Variants in RBM44 observed in about 807,000 individuals in gnomAD.
The protein encoded by RBM44 is RNA binding motif protein 44, also known as RNA-binding protein 44.
Under a neutral mutation model 105.1 loss-of-function variants are expected in RBM44, and 66 were observed. The observed-to-expected ratio is 0.63, with a 90% CI of 0.52 to 0.77. The LOEUF is 0.77. Among genes scored for constraint, RBM44 ranks in the 30% least tolerant of loss-of-function variants. The pLI, the probability that RBM44 is intolerant of heterozygous loss-of-function variation, is 0.00. For missense variants in RBM44, 1,122 were observed against 1,207.8 expected, an observed-to-expected ratio of 0.93 and a Z score of 1.05; for synonymous variants, 365 against 417.6, an observed-to-expected ratio of 0.87 and a Z score of 1.54.
Position 237,821,371 on chromosome 2 carries a change from G to A in RBM44, c.2120+3G>A, listed in dbSNP as rs2061787624. On this transcript the variant is annotated splice_donor_region_variant and intron_variant, in intron 7 of 15. Coordinates refer to ENST00000316997, the MANE Select transcript of RBM44 (RefSeq NM_001080504.3). ...CTAATGAAAAAAGAAACACATGTGT[G>A]AGTTATGGTTTCATTTGATTTATAA... is the stretch of plus-strand genomic sequence containing the variant. 6.4e-7 allele frequency: 1 copy of A among 1,552,052 alleles called. No homozygotes were observed. Among genetic ancestry groups the A allele is most frequent in the South Asian group, 1.2e-5 (1 of 83,474 alleles).
At chr2:237,834,461 T>A in intron 15 of RBM44, 38 bp downstream of exon 15, 1 of 1,010,722 alleles carries the variant, frequency 9.9e-7, no homozygotes, top group South Asian at 2.0e-5. Flanking sequence ...GAATATTACT[T>A]AAAATTTATA....
chr2:237,824,226 A>G, intron 9 of RBM44, 65 bp from the exon 10 acceptor site: 4 of 1,540,442 alleles, frequency 2.6e-6, no homozygotes, highest in South Asian at 2.4e-5. Flanking sequence ...CCATGGTTTT[A>G]AGGTAACTTT....
At chr2:237,821,882 A>C in intron 8 of RBM44, 55 bp downstream of exon 8, 1 of 1,180,896 alleles carries the variant, frequency 8.5e-7, no homozygotes, top group Non-Finnish European at 1.2e-6. Context: ...GGTTTACGTA[A>C]AGTAAATCAT....
rs369750336 is a variant in RBM44 at position 237,821,522 on chromosome 2, A to G, written c.2120+154A>G. Among the ~76,000 whole-genome samples the G allele has an allele frequency of 3.5e-4, 53 of 152,240 alleles. 1 individual carries two copies. The highest frequency in any genetic ancestry group is 1.2e-3 in the African/African-American group (50 of 41,570). On this transcript the variant is annotated intron_variant, in intron 7 of 15. Coordinates refer to ENST00000316997, the MANE Select transcript of RBM44 (RefSeq NM_001080504.3). Reference sequence around the variant, plus strand: ...TTTCTTGACATTTAATATTGTACAAATGTATGGGGTACATGTAATATTTTT... The same window carrying G: ...TTTCTTGACATTTAATATTGTACAAGTGTATGGGGTACATGTAATATTTTT...
chr2:237,829,772 C>G (rs1196204411), intron 13 of RBM44, among the ~76,000 whole-genome samples: 2 of 152,146 alleles, frequency 1.3e-5, no homozygotes, highest in South Asian at 2.1e-4. Context: ...TATTACTACT[C>G]TATAAGTAAC....
At chr2:237,821,021 G>T in intron 5 of RBM44, 50 bp from the exon 6 acceptor site, 1 of 1,336,286 alleles carries the variant, frequency 7.5e-7, no homozygotes. Flanking sequence ...GTGTTAAATG[G>T]ATGACTTAGG....
Position 237,829,284 on chromosome 2 carries a change from G to A in RBM44, c.2668G>A (p.Glu890Lys). 6.2e-7 allele frequency: 1 copy of A among 1,613,214 alleles called. No homozygotes were observed. Among genetic ancestry groups the A allele is most frequent in the Non-Finnish European group, 8.5e-7 (1 of 1,179,400 alleles). Residue 890 changes from glutamate to lysine, a missense_variant, in exon 13 of 16, where the codon GAA becomes AAA. Transcript: ENST00000316997. ...KIAVKEMNGI[E>K]INGKSVNVWP... ...AGCTGTGAAAGAAATGAATGGGATA[G>A]AAATAAATGGAAAGTCAGTAAATGT... is the stretch of plus-strand genomic sequence containing the variant.
rs1456453679 is a variant in RBM44, at chr2:237,818,588, C to A, written c.1669C>A (p.Leu557Ile). ...CAGTTTAAAACCTAATGGAAATTTT[C>A]TAAATAAGGTAAAATCAATATGAGT... ...VDSLKPNGNF[L>I]NKDFLELRKA... Residue 557 changes from leucine to isoleucine, a missense_variant, in exon 3 of 16, where the codon CTA (leucine) becomes ATA (isoleucine). By Grantham distance (5) the Leu-to-Ile change is conservative (BLOSUM62 2). Coordinates refer to ENST00000316997, the MANE Select transcript of RBM44 (RefSeq NM_001080504.3). The surrounding 1 kb of genome is among the most constrained non-coding windows in gnomAD (Gnocchi z 4.6). 8.5e-6 allele frequency: 13 copies of A among 1,522,548 alleles called. No homozygotes were observed. Among genetic ancestry groups the A allele is most frequent in the Non-Finnish European group, 1.1e-5 (13 of 1,137,002 alleles). 94.3% of individuals were successfully genotyped at this position (1,522,548 alleles called of 1,614,324 possible). A position where few individuals can be genotyped will look rare whatever the true frequency, so the allele number is the denominator to read the frequency against.
rs13393001 is a variant in RBM44 at position 237,817,073 on chromosome 2, G to C, written c.154G>C (p.Asp52His). The C allele has an allele frequency of 5.1e-3, 8,102 of 1,599,916 alleles. 350 individuals are homozygous for C. The African/African-American group carries it at 0.094, about 19-fold the overall frequency. ...CDEVKLTFPD[D>H]DWNSSTLEQR... ...TGAAGTCAAATTGACTTTTCCTGAT[G>C]ATGACTGGAATTCTTCGACACTAGA... Residue 52 changes from aspartate to histidine, a missense_variant, in exon 3 of 16, where the codon GAT becomes CAT. Physicochemically the swap from Asp to His is moderately conservative, Grantham distance 81 (BLOSUM62 -1). Transcript: ENST00000316997.
chr2:237,821,389 A>G, intron 7 of RBM44, 21 bp downstream of exon 7: 1 of 1,528,854 alleles, frequency 6.5e-7, no homozygotes. Flanking sequence ...GTTTCATTTG[A>G]TTTATAATTC....
chr2:237,815,809 A>G (rs976839267), intron 2 of RBM44, among the ~76,000 whole-genome samples: 8 of 151,874 alleles, frequency 5.3e-5, no homozygotes, highest in Non-Finnish European at 1.2e-4. Flanking sequence ...CAGTTGTGGA[A>G]CTTTCATACC....
Position 237,841,217 on chromosome 2 carries a change from C to A in RBM44, c.*23-622C>A, listed in dbSNP as rs879647958. ...GGATAAAGATAAGTGTATATATACA[C>A]CATGGAGTACTATGCAGCCATAAAA... On this transcript the variant is annotated intron_variant, in intron 15 of 15. Coordinates refer to ENST00000316997, the MANE Select transcript of RBM44 (RefSeq NM_001080504.3). The surrounding 1 kb of genome is among the most constrained non-coding windows in gnomAD (Gnocchi z 4.5). Among the ~76,000 whole-genome samples the A allele has an allele frequency of 6.6e-6, 1 of 152,194 alleles. No individual in the cohort carries two copies. Among genetic ancestry groups the A allele is most frequent in the Non-Finnish European group, 1.5e-5 (1 of 68,040 alleles).
chr2:237,807,242 A>G (rs1157706158), intron 1 of RBM44, among the ~76,000 whole-genome samples: 1 of 152,122 alleles, frequency 6.6e-6, no homozygotes, highest in Non-Finnish European at 1.5e-5. Flanking sequence ...TCTACCTCCC[A>G]GGTTCAAGTG....
intron 1 of RBM44, among the ~76,000 whole-genome samples, chr2:237,801,095 A>G (rs777223782): frequency 3.3e-5 from 5 of 152,166 alleles, no homozygotes; most frequent in African/African-American, 7.2e-5. Context: ...CAACACTTTG[A>G]AAGGCTGAGG....
intron 12 of RBM44, among the ~76,000 whole-genome samples, chr2:237,828,281 AAG>A (rs1198247953): frequency 1.3e-5 from 2 of 152,092 alleles, no homozygotes; most frequent in Non-Finnish European, 2.9e-5. Flanking sequence ...TCAATTAAGA[AAG>A]GATCCTGTTT....
intron 15 of RBM44, 81 bp downstream of exon 15, chr2:237,834,504 A>C: frequency 1.5e-6 from 1 of 657,012 alleles, no homozygotes. Flanking sequence ...TTACATAAAA[A>C]ACATATTAAA....
At chr2:237,819,774 A>G (rs1409065580) in intron 4 of RBM44, among the ~76,000 whole-genome samples, 2 of 152,046 alleles carry the variant, frequency 1.3e-5, no homozygotes, top group African/African-American at 4.8e-5. Flanking sequence ...AATAATTTTC[A>G]TCCAAAATGC....
intron 1 of RBM44, among the ~76,000 whole-genome samples, chr2:237,800,289 T>C (rs568595353): frequency 1.3e-5 from 2 of 152,372 alleles, no homozygotes; most frequent in South Asian, 4.1e-4. Context: ...GTCAAGTCAT[T>C]TGCTCATTCT....
Position 237,841,580 on chromosome 2 carries a change from T to G in RBM44, c.*23-259T>G, listed in dbSNP as rs2062012133. Reference sequence around the variant, plus strand: ...ATGCCCCTGAAACTAAAACAGAAGTTTAAAATAAAATATCTGATTTTTCTT... The same window carrying G: ...ATGCCCCTGAAACTAAAACAGAAGTGTAAAATAAAATATCTGATTTTTCTT... On this transcript the variant is annotated intron_variant, in intron 15 of 15. Transcript: ENST00000316997. This position sits in a 1 kb window ranked among gnomAD's most constrained non-coding sequence, Gnocchi z 4.5. Among the ~76,000 whole-genome samples, 1 of 152,072 alleles carries G rather than the reference T, an allele frequency of 6.6e-6. No homozygotes were observed. Among genetic ancestry groups the G allele is most frequent in the South Asian group, 2.1e-4 (1 of 4,826 alleles).
Sources: gnomAD v4.1 joint callset for allele counts (sites outside exome capture counted in the v4.1 genomes callset) on GRCh38, gnomAD v4.1.1 for gene constraint, Gnocchi (gnomAD v3.1) non-coding constraint, MANE v1.5 for transcripts, NCBI Gene and HGNC (gene_info 2026-07-23, HGNC 2026-07-21) for gene names.